PDE4D: variants seen among roughly 807,000 people sequenced by gnomAD.
The protein encoded by PDE4D is 3',5'-cyclic-AMP phosphodiesterase 4D.
Under a neutral mutation model 87.4 loss-of-function variants are expected in PDE4D, and 24 were observed. That is an observed-to-expected ratio of 0.27 (90% CI 0.20 to 0.39). The LOEUF is 0.39. PDE4D is among the 10% of genes least tolerant of loss of function. The pLI is 1.00. For missense variants in PDE4D, 714 were observed against 1,041.0 expected, an observed-to-expected ratio of 0.69 and a Z score of 4.32; for synonymous variants, 384 against 383.2, an observed-to-expected ratio of 1.00 and a Z score of -0.02.
At chr5:59,934,049 T>C (rs1437019019) in intron 3 of PDE4D, among the ~76,000 whole-genome samples, 3 of 152,072 alleles carry the variant, frequency 2.0e-5, no homozygotes, top group East Asian at 3.9e-4. Flanking sequence ...AGTGGTACCA[T>C]CTCAGCTCAC....
At chr5:59,238,306 C>T (rs918321409) in intron 1 of PDE4D, among the ~76,000 whole-genome samples, 4 of 152,088 alleles carry the variant, frequency 2.6e-5, no homozygotes, top group African/African-American at 9.7e-5. Context: ...TGTTTCTCAA[C>T]CAAAATTGAT....
intron 1 of PDE4D, among the ~76,000 whole-genome samples, chr5:59,349,601 A>C (rs1780177935): frequency 6.6e-6 from 1 of 152,174 alleles, no homozygotes. Context: ...AATTTTATAA[A>C]CTACTAATTA....
intron 5 of PDE4D, 79 bp from the exon 6 acceptor site, chr5:59,039,050 T>TGCCATACCCC: frequency 6.6e-7 from 1 of 1,520,372 alleles, no homozygotes; most frequent in Non-Finnish European, 8.8e-7. Flanking sequence ...GGGGCCATCC[T>TGCCATACCCC]GCCATACCCC....
chr5:60,349,084 T>C (rs1300302861), intron 1 of PDE4D, among the ~76,000 whole-genome samples: 6 of 152,144 alleles, frequency 3.9e-5, no homozygotes, highest in African/African-American at 1.4e-4. Flanking sequence ...CAGTGGAGCA[T>C]AGCACAATAG....
chr5:59,796,604 A>G (rs781444497), intron 1 of PDE4D, among the ~76,000 whole-genome samples: 3 of 152,242 alleles, frequency 2.0e-5, no homozygotes, highest in Non-Finnish European at 4.4e-5. Flanking sequence ...AGCTCCTATT[A>G]TAATTACTAA....
chr5:59,886,389 C>G (rs1232533749), intron 1 of PDE4D, among the ~76,000 whole-genome samples: 1 of 151,878 alleles, frequency 6.6e-6, no homozygotes. Context: ...TGGTGGCAGG[C>G]GCCTGTAGTC....
chr5:59,588,683 T>G (rs1825535640), intron 1 of PDE4D, among the ~76,000 whole-genome samples: 1 of 152,160 alleles, frequency 6.6e-6, no homozygotes, highest in Non-Finnish European at 1.5e-5. Flanking sequence ...AAGATGATCC[T>G]AAAAGGAGGA....
intron 1 of PDE4D, among the ~76,000 whole-genome samples, chr5:60,201,934 A>T (rs1352241730): frequency 6.6e-6 from 1 of 152,224 alleles, no homozygotes; most frequent in Non-Finnish European, 1.5e-5. Flanking sequence ...ATAATCAATT[A>T]TACTGGGACA....
chr5:59,897,604 A>C (rs150547), upstream of PDE4D, among the ~76,000 whole-genome samples: 98,673 of 151,628 alleles, frequency 0.65, 33,069 homozygotes, highest in African/African-American at 0.8. Context: ...CTCCTCCAGC[A>C]TCCCACCCCC....
intron 1 of PDE4D, among the ~76,000 whole-genome samples, chr5:60,192,809 A>T (rs1056487142): frequency 6.6e-6 from 1 of 152,310 alleles, no homozygotes; most frequent in South Asian, 2.1e-4. Flanking sequence ...AATTTTCAAC[A>T]CTTAGAAAAA....
chr5:59,363,819 G>T (rs1782610062), intron 1 of PDE4D, among the ~76,000 whole-genome samples: 1 of 152,134 alleles, frequency 6.6e-6, no homozygotes, highest in African/African-American at 2.4e-5. Context: ...TGTGAGCCTG[G>T]GGTGGGACTG....
At chr5:59,989,286 G>A (rs1762777235) in intron 2 of PDE4D, among the ~76,000 whole-genome samples, 1 of 151,486 alleles carries the variant, frequency 6.6e-6, no homozygotes. Context: ...AAATATTTGT[G>A]TATCTAAGTA....
intron 5 of PDE4D, among the ~76,000 whole-genome samples, chr5:59,130,373 T>C (rs1009679150): frequency 3.3e-5 from 5 of 152,218 alleles, no homozygotes; most frequent in Non-Finnish European, 5.9e-5. Flanking sequence ...GAAAGCCTCA[T>C]TGTCCATTTG....
rs1186462253 is a variant in PDE4D, at chr5:60,419,839, G to T, written c.-90+68103C>A. ...GCCAATCCAGAACTGAAATCCCTCT[G>T]CCCACGAATGTCCACCTCTGTGAAT... On this transcript the variant is annotated intron_variant, in intron 1 of 16. Coordinates refer to the PDE4D transcript ENST00000502484. Among the ~76,000 whole-genome samples, 3 of 152,146 alleles carry T rather than the reference G, an allele frequency of 2.0e-5. No individual in the cohort carries two copies. The East Asian group carries it at 5.8e-4, about 29-fold the overall frequency.
chr5:60,335,654 G>C (rs1034635388), intron 1 of PDE4D, among the ~76,000 whole-genome samples: 8 of 152,156 alleles, frequency 5.3e-5, no homozygotes, highest in African/African-American at 1.9e-4. Context: ...CCTCAGGCAG[G>C]CATCCTAAGT....
chr5:60,251,311 A>G (rs1269661331), intron 1 of PDE4D, among the ~76,000 whole-genome samples: 1 of 151,896 alleles, frequency 6.6e-6, no homozygotes. Context: ...ATCACCAGGC[A>G]TTAAGCCTGG....
chr5:60,501,559 C>T (rs1248096558), intron 1 of PDE4D, among the ~76,000 whole-genome samples: 2 of 151,276 alleles, frequency 1.3e-5, no homozygotes, highest in African/African-American at 4.9e-5. Flanking sequence ...AGTTCTAGAT[C>T]CCTGAGGAAT....
At chr5:59,959,512 C>T (rs1759230084) in intron 3 of PDE4D, among the ~76,000 whole-genome samples, 1 of 152,080 alleles carries the variant, frequency 6.6e-6, no homozygotes, top group Non-Finnish European at 1.5e-5. Context: ...CAAAAATAGA[C>T]ACATAGACCA....
intron 3 of PDE4D, among the ~76,000 whole-genome samples, chr5:59,939,349 A>G (rs1236903690): frequency 6.6e-6 from 1 of 152,202 alleles, no homozygotes; most frequent in East Asian, 1.9e-4. Context: ...CACTCAACAA[A>G]TATTTATCAG....
Sources: allele counts gnomAD v4.1 joint callset (sites outside exome capture counted in the v4.1 genomes callset), GRCh38; gene constraint gnomAD v4.1.1; transcripts MANE v1.5; gene names NCBI Gene and HGNC (gene_info 2026-07-23, HGNC 2026-07-21).